Variants in RFX3 observed in about 807,000 individuals in gnomAD.
The protein encoded by RFX3 is transcription factor RFX3.
RFX3 carries 14 observed loss-of-function variants against 98.6 expected under a neutral mutation model. The ratio of observed to expected loss-of-function variants is 0.14; its 90% CI spans 0.09 to 0.22. The LOEUF is 0.22. Ranked by LOEUF, RFX3 falls within the 10% of genes least tolerant of loss-of-function variation. The probability of loss-of-function intolerance (pLI) is 1.00; values close to 1 mark genes in which losing one functional copy is unlikely to be tolerated. For missense variants in RFX3, 639 were observed against 926.9 expected, an observed-to-expected ratio of 0.69 and a Z score of 4.03; for synonymous variants, 383 against 328.4, an observed-to-expected ratio of 1.17 and a Z score of -1.80.
intron 1 of RFX3, among the ~76,000 whole-genome samples, chr9:3,435,509 T>A (rs1845044055): frequency 6.6e-6 from 1 of 152,008 alleles, no homozygotes; most frequent in African/African-American, 2.4e-5. Context: ...TCAGCTCTAT[T>A]ATAACCTTAG....
intron 1 of RFX3, among the ~76,000 whole-genome samples, chr9:3,423,778 CATATATATATATAT>C (rs61209874): frequency 0.035 from 3,941 of 111,048 alleles, 236 homozygotes; most frequent in African/African-American, 0.12. Context: ...TATATATTTT[CATATATATATATAT>C]ATATATATAT....
chr9:3,431,363 T>A (rs1431379842), intron 1 of RFX3, among the ~76,000 whole-genome samples: 1 of 152,150 alleles, frequency 6.6e-6, no homozygotes, highest in Non-Finnish European at 1.5e-5. Flanking sequence ...AAAGTTGAAT[T>A]GTTTCATATG....
At chr9:3,251,816 A>G (rs1311172377) in intron 14 of RFX3, among the ~76,000 whole-genome samples, 2 of 151,984 alleles carry the variant, frequency 1.3e-5, no homozygotes, top group African/African-American at 4.8e-5. Context: ...ATATATTTCT[A>G]AGTTCAAATT....
intron 2 of RFX3, chr9:3,394,897 T>G (rs868071079): frequency 1.1e-6 from 1 of 923,370 alleles, no homozygotes; most frequent in African/African-American, 1.8e-5. Flanking sequence ...GAATAAGACC[T>G]GTAGTAAATA....
chr9:3,241,042 G>A (rs745628220), intron 15 of RFX3, among the ~76,000 whole-genome samples: 2 of 152,178 alleles, frequency 1.3e-5, no homozygotes, highest in African/African-American at 4.8e-5. Flanking sequence ...GACCATTTTA[G>A]TCCTTGAAAT....
At chr9:3,497,580 G>A (rs958038957) in intron 1 of RFX3, among the ~76,000 whole-genome samples, 1 of 151,856 alleles carries the variant, frequency 6.6e-6, no homozygotes, top group Non-Finnish European at 1.5e-5. Context: ...GTAGGAACTA[G>A]TATGATATCA....
Position 3,257,119 on chromosome 9 carries a change from C to T in RFX3, c.1686G>A (p.Gln562=). ...CAGCCCACTGCTCCAGGGTGCTCTG[C>T]TGCTGAAGAGTCATCTTGAAGTCTG... ...LETDFKMTLQ[Q]QSTLEQWAAW... Residue 562 remains glutamine (Q), a synonymous_variant, in exon 14 of 17, where the codon CAG becomes CAA. Transcript: ENST00000617270. 1 of 1,614,008 alleles carries T rather than the reference C, an allele frequency of 6.2e-7. No homozygotes were observed. Among genetic ancestry groups the T allele is most frequent in the Non-Finnish European group, 8.5e-7 (1 of 1,179,998 alleles).
chr9:3,476,746 CAAA>C (rs1849296351), intron 1 of RFX3, among the ~76,000 whole-genome samples: 1 of 152,152 alleles, frequency 6.6e-6, no homozygotes, highest in African/African-American at 2.4e-5. Flanking sequence ...ATGTTACAAA[CAAA>C]AACGCATTTA....
chr9:3,457,085 G>A (rs1244958090), intron 1 of RFX3, among the ~76,000 whole-genome samples: 1 of 124,204 alleles, frequency 8.1e-6, no homozygotes, highest in Non-Finnish European at 1.6e-5. Flanking sequence ...CAGTTGCTGT[G>A]AACCGAGATC....
intron 1 of RFX3, among the ~76,000 whole-genome samples, chr9:3,497,512 G>A (rs988834995): frequency 4.6e-5 from 7 of 151,876 alleles, no homozygotes; most frequent in African/African-American, 1.7e-4. Flanking sequence ...TCACTTAGCA[G>A]GAAAAAGATT....
intron 6 of RFX3, among the ~76,000 whole-genome samples, chr9:3,291,240 T>C (rs770017694): frequency 6.6e-6 from 1 of 151,566 alleles, no homozygotes; most frequent in Non-Finnish European, 1.5e-5. Flanking sequence ...TGGAGTGGGG[T>C]GGTGCCTGTA....
At chr9:3,406,537 T>C (rs991250938) in intron 1 of RFX3, among the ~76,000 whole-genome samples, 1 of 152,092 alleles carries the variant, frequency 6.6e-6, no homozygotes, top group African/African-American at 2.4e-5. Flanking sequence ...ACTCCATGAA[T>C]GCATGGACTA....
intron 1 of RFX3, among the ~76,000 whole-genome samples, chr9:3,452,793 C>T (rs1254799779): frequency 6.6e-6 from 1 of 152,172 alleles, no homozygotes; most frequent in Non-Finnish European, 1.5e-5. Flanking sequence ...TCCATTATTA[C>T]ACAGGGAATA....
At chr9:3,312,247 T>C (rs761618722) in intron 4 of RFX3, among the ~76,000 whole-genome samples, 5 of 152,188 alleles carry the variant, frequency 3.3e-5, no homozygotes, top group Admixed American at 6.5e-5. Context: ...TATGTACATA[T>C]GAGTGAGTAT....
intron 13 of RFX3, among the ~76,000 whole-genome samples, chr9:3,258,711 T>C (rs1270311614): frequency 6.6e-6 from 1 of 151,946 alleles, no homozygotes; most frequent in African/African-American, 2.4e-5. Flanking sequence ...TTAAGAATAC[T>C]TAAAATGGCA....
At chr9:3,436,879 T>G (rs920487965) in intron 1 of RFX3, among the ~76,000 whole-genome samples, 2 of 151,982 alleles carry the variant, frequency 1.3e-5, no homozygotes, top group Non-Finnish European at 2.9e-5. Flanking sequence ...AAGAATCTCC[T>G]ACAAGCCAAG....
chr9:3,394,132 C>T (rs34233417), intron 2 of RFX3, among the ~76,000 whole-genome samples: 26,367 of 151,900 alleles, frequency 0.17, 3,657 homozygotes, highest in African/African-American at 0.39. Flanking sequence ...GTGTATATGG[C>T]AGAGTATGCT....
chr9:3,407,286 T>C (rs1178486922), intron 1 of RFX3, among the ~76,000 whole-genome samples: 1 of 152,202 alleles, frequency 6.6e-6, no homozygotes, highest in Non-Finnish European at 1.5e-5. Flanking sequence ...AAGCCTCTAG[T>C]TACTAATTAG....
chr9:3,375,769 G>A (rs1838396350), intron 2 of RFX3, among the ~76,000 whole-genome samples: 1 of 151,994 alleles, frequency 6.6e-6, no homozygotes, highest in South Asian at 2.1e-4. Flanking sequence ...GACCATCCTG[G>A]CTAACACGGT....
Sources: allele counts gnomAD v4.1 joint callset (sites outside exome capture counted in the v4.1 genomes callset), GRCh38; gene constraint gnomAD v4.1.1; transcripts MANE v1.5; gene names NCBI Gene and HGNC (gene_info 2026-07-23, HGNC 2026-07-21).